The following UPP2 variants were observed in gnomAD, a reference collection of about 807,000 sequenced individuals.
UPP2 encodes the protein uridine phosphorylase 2.
Under a neutral mutation model 26.7 loss-of-function variants are expected in UPP2, and 23 were observed. The observed-to-expected ratio is 0.86, with a 90% CI of 0.62 to 1.22. UPP2 has a LOEUF of 1.22. Ranked by LOEUF, UPP2 falls within the 50% of genes most tolerant of loss-of-function variation. UPP2 has a pLI of 0.00. For missense variants in UPP2, 387 were observed against 396.7 expected (o/e 0.98, Z 0.21); for synonymous variants, 127 against 141.3 (o/e 0.90, Z 0.72).
chr2:158,130,713 T>C (rs1266396953), intron 6 of UPP2, among the ~76,000 whole-genome samples: 2 of 152,218 alleles, frequency 1.3e-5, no homozygotes, highest in Non-Finnish European at 2.9e-5. Context: ...TTTGTGGTAA[T>C]GATGATTCAA....
chr2:158,028,695 C>G (rs1356793967), intron 3 of UPP2, among the ~76,000 whole-genome samples: 1 of 152,090 alleles, frequency 6.6e-6, no homozygotes, highest in Non-Finnish European at 1.5e-5. Flanking sequence ...AAGACATACC[C>G]AAAACTGGGA....
intron 3 of UPP2, among the ~76,000 whole-genome samples, chr2:158,061,205 G>T (rs772638189): frequency 2.0e-5 from 3 of 152,200 alleles, no homozygotes; most frequent in Non-Finnish European, 2.9e-5. Context: ...GAACTTAGGA[G>T]TCATTTGATC....
intron 3 of UPP2, among the ~76,000 whole-genome samples, chr2:158,031,815 C>T (rs186634956): frequency 3.9e-5 from 6 of 152,154 alleles, no homozygotes; most frequent in African/African-American, 9.6e-5. Context: ...TTCTTCAAAA[C>T]TGGAATCCCT....
intron 3 of UPP2, among the ~76,000 whole-genome samples, chr2:158,042,493 G>A (rs1574259780): frequency 6.6e-6 from 1 of 152,282 alleles, no homozygotes; most frequent in East Asian, 1.9e-4. Context: ...AGAACAAACA[G>A]GATTTCATGG....
intron 3 of UPP2, among the ~76,000 whole-genome samples, chr2:158,082,766 A>G (rs1324077502): frequency 6.6e-6 from 1 of 152,220 alleles, no homozygotes; most frequent in Non-Finnish European, 1.5e-5. Context: ...ACCAGAGTGA[A>G]CAGGCAACCT....
chr2:158,013,553 T>TA (rs1348753477), intron 2 of UPP2, among the ~76,000 whole-genome samples: 1 of 152,172 alleles, frequency 6.6e-6, no homozygotes, highest in Non-Finnish European at 1.5e-5. Context: ...CTTGCTCTGG[T>TA]AAAATGTAAA....
Position 158,035,775 on chromosome 2 carries a change from C to T in UPP2, c.147+19889C>T, listed in dbSNP as rs559699006. Among the ~76,000 whole-genome samples, 46 of 152,264 alleles carry T rather than the reference C, an allele frequency of 3.0e-4. No individual in the cohort carries two copies. In the Middle Eastern group the frequency reaches 0.01, roughly 34 times the overall value. On this transcript the variant is annotated intron_variant, in intron 3 of 9. Coordinates refer to the UPP2 transcript ENST00000605860. Reference sequence around the variant, plus strand: ...AAACCAGCACATAATTCTGCAGGGACGGGATTGACTGGTCCAGAGATGTTC... The same window carrying T: ...AAACCAGCACATAATTCTGCAGGGATGGGATTGACTGGTCCAGAGATGTTC...
intron 2 of UPP2, among the ~76,000 whole-genome samples, chr2:158,014,095 T>C (rs896190002): frequency 7.2e-5 from 11 of 152,204 alleles, no homozygotes; most frequent in African/African-American, 2.7e-4. Flanking sequence ...CTTAGGAAAA[T>C]GTGCTGTACA....
At chr2:158,036,993 C>A (rs951717137) in intron 3 of UPP2, among the ~76,000 whole-genome samples, 3 of 152,190 alleles carry the variant, frequency 2.0e-5, no homozygotes, top group Admixed American at 6.5e-5. Context: ...AGTTTCCTAT[C>A]TTCAAGTTCA....
chr2:158,071,507 T>C (rs1415114759), intron 3 of UPP2, among the ~76,000 whole-genome samples: 2 of 132,634 alleles, frequency 1.5e-5, no homozygotes, highest in Non-Finnish European at 3.0e-5. Flanking sequence ...ACCTAGATCA[T>C]GGTATTGCAT....
chr2:158,112,351 T>A (rs989379538), intron 2 of UPP2, among the ~76,000 whole-genome samples: 1 of 152,090 alleles, frequency 6.6e-6, no homozygotes. Flanking sequence ...GACAATTTAT[T>A]GTGAAAAGAA....
intron 3 of UPP2, among the ~76,000 whole-genome samples, chr2:158,049,723 A>G (rs1454146436): frequency 6.6e-6 from 1 of 152,232 alleles, no homozygotes. Flanking sequence ...CCATTTTAAA[A>G]GATCTCAGTC....
chr2:158,037,690 G>T (rs1484396292), intron 3 of UPP2, among the ~76,000 whole-genome samples: 1 of 152,078 alleles, frequency 6.6e-6, no homozygotes, highest in African/African-American at 2.4e-5. Flanking sequence ...GTCTTCACAT[G>T]ACCATCTCTT....
intron 3 of UPP2, among the ~76,000 whole-genome samples, chr2:158,032,276 C>G (rs1683933873): frequency 6.6e-6 from 1 of 152,072 alleles, no homozygotes; most frequent in South Asian, 2.1e-4. Flanking sequence ...TCATGCACAT[C>G]CTGTCACCAG....
chr2:158,068,786 ATATATATATATATATATTTTTTTTTT>A (rs1558920429), intron 3 of UPP2, among the ~76,000 whole-genome samples: 2 of 13,096 alleles, frequency 1.5e-4, no homozygotes, highest in Non-Finnish European at 3.0e-4. Context: ...ATATATATAT[ATATATATATATATATATTTTTTTTTT>A]TTTTTTTTTT....
intron 3 of UPP2, among the ~76,000 whole-genome samples, chr2:158,037,593 T>C (rs1228504610): frequency 6.6e-6 from 1 of 152,088 alleles, no homozygotes; most frequent in Non-Finnish European, 1.5e-5. Context: ...CTTCTGGTCA[T>C]GGCCAGCAGT....
chr2:158,057,188 T>G (rs1682259392), intron 3 of UPP2, among the ~76,000 whole-genome samples: 1 of 152,302 alleles, frequency 6.6e-6, no homozygotes, highest in South Asian at 2.1e-4. Context: ...CTGGCCGAGG[T>G]AGTGTTTTGT....
intron 3 of UPP2, chr2:158,065,777 C>T: frequency 1.4e-6 from 1 of 695,168 alleles, no homozygotes. Flanking sequence ...CACCACCATC[C>T]AACCAGATTG....
intron 3 of UPP2, among the ~76,000 whole-genome samples, chr2:158,031,152 T>C (rs1558908786): frequency 6.6e-6 from 1 of 152,024 alleles, no homozygotes; most frequent in Non-Finnish European, 1.5e-5. Flanking sequence ...AAAAGATCAG[T>C]GTGGGCTGGA....
Sources: gnomAD v4.1 joint callset for allele counts (sites outside exome capture counted in the v4.1 genomes callset) on GRCh38, gnomAD v4.1.1 for gene constraint, MANE v1.5 for transcripts, NCBI Gene and HGNC (gene_info 2026-07-23, HGNC 2026-07-21) for gene names.